NPAS3: variants seen among roughly 807,000 people sequenced by gnomAD.
NPAS3 encodes neuronal PAS domain-containing protein 3.
Under a neutral mutation model 73.1 loss-of-function variants are expected in NPAS3, and 14 were observed. The ratio of observed to expected loss-of-function variants is 0.19; its 90% CI spans 0.13 to 0.30. The LOEUF is 0.30. Ranked by LOEUF, NPAS3 falls within the 10% of genes least tolerant of loss-of-function variation. The pLI, the probability that NPAS3 is intolerant of heterozygous loss-of-function variation, is 1.00. For synonymous variants in NPAS3, 620 were observed against 541.5 expected, an observed-to-expected ratio of 1.14 and a Z score of -2.01; for missense variants, 1,096 against 1,250.0, an observed-to-expected ratio of 0.88 and a Z score of 1.86.
intron 3 of NPAS3, among the ~76,000 whole-genome samples, chr14:33,268,832 A>ATATTTTCTCT (rs1230338901): frequency 1.3e-5 from 2 of 152,166 alleles, no homozygotes; most frequent in Non-Finnish European, 2.9e-5. Flanking sequence ...CCCTATTGTA[A>ATATTTTCTCT]TATTTTCTCT....
At chr14:33,478,075 A>G (rs1001783409) in intron 4 of NPAS3, among the ~76,000 whole-genome samples, 1 of 152,182 alleles carries the variant, frequency 6.6e-6, no homozygotes, top group Non-Finnish European at 1.5e-5. Flanking sequence ...CCCTCTGGGT[A>G]GAGGCAGAGC....
intron 3 of NPAS3, among the ~76,000 whole-genome samples, chr14:33,270,922 A>T (rs776642110): frequency 1.2e-4 from 18 of 152,154 alleles, no homozygotes; most frequent in Non-Finnish European, 2.5e-4. Context: ...GGCTGAAAGG[A>T]ATGCCTCCCC....
At chr14:33,606,504 T>C (rs747509826) in intron 5 of NPAS3, among the ~76,000 whole-genome samples, 14 of 152,104 alleles carry the variant, frequency 9.2e-5, no homozygotes, top group Non-Finnish European at 1.5e-4. Context: ...AAATAGTCTT[T>C]TCAACAAGTT....
At chr14:32,971,329 C>T (rs1325837138) in intron 1 of NPAS3, among the ~76,000 whole-genome samples, 2 of 152,168 alleles carry the variant, frequency 1.3e-5, no homozygotes, top group African/African-American at 4.8e-5. Flanking sequence ...AAGTGATCCA[C>T]CTGCCTTGGC....
chr14:33,087,046 T>G (rs2042047867), intron 2 of NPAS3, among the ~76,000 whole-genome samples: 1 of 149,392 alleles, frequency 6.7e-6, no homozygotes, highest in Admixed American at 6.7e-5. Context: ...GCAAAAACAT[T>G]AAATGTGGCA....
chr14:33,363,932 G>GTGTGTGTGTGTGTGTGTGTGTGTGTGT (rs2045719853), intron 3 of NPAS3, among the ~76,000 whole-genome samples: 1 of 151,614 alleles, frequency 6.6e-6, no homozygotes, highest in Non-Finnish European at 1.5e-5. Context: ...CTGTGTGTGT[G>GTGTGTGTGTGTGTGTGTGTGTGTGTGT]TGTGTGTGTG....
chr14:33,119,699 A>G lies in NPAS3; in HGVS notation c.140+63705A>G, dbSNP rs116595490. Among the ~76,000 whole-genome samples, 307 of 152,230 alleles carry G rather than the reference A, an allele frequency of 2.0e-3. 1 individual carries two copies. The highest frequency in any genetic ancestry group is 6.6e-3 in the African/African-American group (276 of 41,554). ...TGAAAGGAAAACTTGAAATCCAGGTAAAGTTGCTCCCTTAGAAGGAAAGTA... is the reference window on the plus strand; with the variant it reads ...TGAAAGGAAAACTTGAAATCCAGGTGAAGTTGCTCCCTTAGAAGGAAAGTA... On this transcript the variant is annotated intron_variant, in intron 2 of 11. Coordinates refer to ENST00000356141, the Ensembl canonical transcript of NPAS3.
chr14:32,970,273 T>C (rs2037363890), intron 1 of NPAS3, among the ~76,000 whole-genome samples: 1 of 152,216 alleles, frequency 6.6e-6, no homozygotes, highest in South Asian at 2.1e-4. Context: ...ATGTTTGTCG[T>C]TACAGTTTTG....
At chr14:33,452,664 A>G (rs1309805083) in intron 4 of NPAS3, among the ~76,000 whole-genome samples, 3 of 147,520 alleles carry the variant, frequency 2.0e-5, no homozygotes, top group Admixed American at 1.4e-4. Context: ...AGTCCCAACT[A>G]CTCTGGAGGC....
In NPAS3 at chr14:33,389,871, T is replaced by C. The variant is rs190006849; in HGVS notation, c.468+22603T>C. 1.1e-3 allele frequency among the ~76,000 whole-genome samples: 164 copies of C among 152,300 alleles called. 1 individual carries two copies. Among genetic ancestry groups the C allele is most frequent in the African/African-American group, 3.7e-3 (152 of 41,566 alleles). The stretch of plus-strand genomic sequence containing the variant: ...ATATTAAGTGCTGGTAAAATTCCAT[T>C]ATGTTTTGACTTGAACATTAAATAT... On this transcript the variant is annotated intron_variant, in intron 4 of 11. Transcript: ENST00000356141.
At chr14:33,084,444 C>T (rs143136307) in intron 2 of NPAS3, among the ~76,000 whole-genome samples, 74 of 152,206 alleles carry the variant, frequency 4.9e-4, no homozygotes, top group African/African-American at 1.6e-3. Flanking sequence ...GGTAATCAAA[C>T]GTAGTATAAG....
intron 2 of NPAS3, among the ~76,000 whole-genome samples, chr14:33,153,296 G>A (rs900978167): frequency 6.6e-6 from 1 of 152,016 alleles, no homozygotes; most frequent in South Asian, 2.1e-4. Context: ...TCTATTTATG[G>A]TTAAGTGGTT....
At chr14:33,428,725 T>C (rs1249224995) in intron 4 of NPAS3, among the ~76,000 whole-genome samples, 3 of 152,188 alleles carry the variant, frequency 2.0e-5, no homozygotes, top group Non-Finnish European at 4.4e-5. Flanking sequence ...ACATAAACTA[T>C]GCTATCTCCA....
At chr14:32,958,351 A>T (rs1161702279) in intron 1 of NPAS3, among the ~76,000 whole-genome samples, 6 of 152,198 alleles carry the variant, frequency 3.9e-5, no homozygotes, top group African/African-American at 1.4e-4. Context: ...ACCTGAGGTC[A>T]TCTGCTGCCA....
intron 3 of NPAS3, among the ~76,000 whole-genome samples, chr14:33,256,320 GTTTC>G (rs974030377): frequency 3.9e-5 from 6 of 152,066 alleles, no homozygotes; most frequent in Admixed American, 1.3e-4. Context: ...CATAGAAAAA[GTTTC>G]TTTCTTTCTT....
At chr14:33,215,121 T>C (rs946207469) in intron 2 of NPAS3, 61 bp from the exon 3 acceptor site, 22 of 1,524,246 alleles carry the variant, frequency 1.4e-5, no homozygotes, top group Admixed American at 1.9e-5. Flanking sequence ...AAGAAAGCAG[T>C]ATTTGAATGA....
chr14:33,010,707 T>C (rs1015754678), intron 1 of NPAS3, among the ~76,000 whole-genome samples: 3 of 152,134 alleles, frequency 2.0e-5, no homozygotes, highest in Admixed American at 1.3e-4. Context: ...ATTTCAGTGC[T>C]TTGGCAGGCC....
At chr14:33,038,970 C>G (rs781689192) in intron 1 of NPAS3, among the ~76,000 whole-genome samples, 3 of 152,084 alleles carry the variant, frequency 2.0e-5, no homozygotes, top group Non-Finnish European at 4.4e-5. Flanking sequence ...AGTGGCTTTT[C>G]AGAGATGAGG....
intron 2 of NPAS3, among the ~76,000 whole-genome samples, chr14:33,077,281 A>T (rs754949671): frequency 3.7e-4 from 56 of 152,288 alleles, no homozygotes; most frequent in Non-Finnish European, 7.1e-4. Context: ...CAATGAGCAT[A>T]GTTGTGAAGG....
Sources: allele counts gnomAD v4.1 joint callset (sites outside exome capture counted in the v4.1 genomes callset), GRCh38; gene constraint gnomAD v4.1.1; transcripts MANE v1.5; gene names NCBI Gene and HGNC (gene_info 2026-07-23, HGNC 2026-07-21).